ARHGEF10: variants seen among roughly 807,000 people sequenced by gnomAD.
ARHGEF10 encodes the protein Rho guanine nucleotide exchange factor (GEF) 10.
A neutral mutation model predicts 147.4 loss-of-function variants in ARHGEF10; 140 were observed. That is an observed-to-expected ratio of 0.95 (90% CI 0.83 to 1.09). The LOEUF is 1.09. Ranked by LOEUF, ARHGEF10 falls within the 50% of genes least tolerant of loss-of-function variation. ARHGEF10 has a pLI of 0.00. For synonymous variants in ARHGEF10, 902 were observed against 695.8 expected (o/e 1.30, Z -4.67); for missense variants, 2,222 against 1,752.7 (o/e 1.27, Z -4.78).
At chr8:1,932,776 T>C (rs1813257222) in intron 25 of ARHGEF10, among the ~76,000 whole-genome samples, 1 of 152,250 alleles carries the variant, frequency 6.6e-6, no homozygotes. Flanking sequence ...TTCAGACACT[T>C]GTTTTGTATT....
At chr8:1,926,703 T>C in intron 23 of ARHGEF10, 2 of 574,230 alleles carry the variant, frequency 3.5e-6, no homozygotes, top group Non-Finnish European at 6.2e-6. Flanking sequence ...ATTTACCAGA[T>C]AAAGTTGAGT....
chr8:1,854,493 A>G (rs1270350184), intron 2 of ARHGEF10, among the ~76,000 whole-genome samples: 1 of 152,168 alleles, frequency 6.6e-6, no homozygotes, highest in African/African-American at 2.4e-5. Context: ...CAGAGTCTAT[A>G]TAACTTGAAA....
intron 15 of ARHGEF10, among the ~76,000 whole-genome samples, chr8:1,900,260 C>T (rs541382780): frequency 2.6e-5 from 4 of 152,260 alleles, no homozygotes; most frequent in South Asian, 2.1e-4. Context: ...GGAAACGGAA[C>T]AGGACAGAGA....
At chr8:1,921,846 C>T (rs898963179) in intron 18 of ARHGEF10, among the ~76,000 whole-genome samples, 4 of 152,166 alleles carry the variant, frequency 2.6e-5, no homozygotes, top group African/African-American at 7.2e-5. Flanking sequence ...GACCCATGGC[C>T]GGGAAGCCTG....
chr8:1,905,859 C>T, intron 17 of ARHGEF10, 143 bp downstream of exon 17: 1 of 993,250 alleles, frequency 1.0e-6, no homozygotes, highest in South Asian at 1.4e-5. Flanking sequence ...CTAAGGGAAC[C>T]CTTATAATAA....
At chr8:1,870,698 A>G (rs1254342750) in intron 7 of ARHGEF10, 2 of 152,246 alleles carry the variant, frequency 1.3e-5, no homozygotes, top group Admixed American at 1.3e-4. Flanking sequence ...TGCACCTAAC[A>G]GCATAGCCTT....
At chr8:1,853,617 G>C (rs913470567) in intron 2 of ARHGEF10, among the ~76,000 whole-genome samples, 1 of 152,254 alleles carries the variant, frequency 6.6e-6, no homozygotes, top group Non-Finnish European at 1.5e-5. Flanking sequence ...ACCCAGCCCA[G>C]CTTGCCTGGC....
At chr8:1,946,401 G>C (rs1814595071) in intron 27 of ARHGEF10, among the ~76,000 whole-genome samples, 1 of 152,206 alleles carries the variant, frequency 6.6e-6, no homozygotes, top group South Asian at 2.1e-4. Flanking sequence ...CAGAGAGGCT[G>C]CCCCTCCGCG....
chr8:1,952,983 T>C (rs1299649554), intron 28 of ARHGEF10, among the ~76,000 whole-genome samples, 156 bp downstream of exon 28: 4 of 152,288 alleles, frequency 2.6e-5, no homozygotes, highest in African/African-American at 4.8e-5. Flanking sequence ...GACTGTTTAA[T>C]TGGAATTATC....
At chr8:1,899,144 G>A (rs1199098226) in intron 15 of ARHGEF10, among the ~76,000 whole-genome samples, 12 of 152,172 alleles carry the variant, frequency 7.9e-5, no homozygotes, top group African/African-American at 1.7e-4. Context: ...CTGACGTGAC[G>A]TCTCACAGCG....
chr8:1,885,332 A>G (rs1433337889), intron 10 of ARHGEF10, among the ~76,000 whole-genome samples: 2 of 152,238 alleles, frequency 1.3e-5, no homozygotes, highest in African/African-American at 4.8e-5. Context: ...CCACTTTGCT[A>G]TCTAGCTATT....
At chr8:1,832,602 GCAGAGGCAGAGA>G (rs1803217580) in intron 1 of ARHGEF10, among the ~76,000 whole-genome samples, 1 of 71,212 alleles carries the variant, frequency 1.4e-5, no homozygotes, top group Admixed American at 1.6e-4. Flanking sequence ...ACAGAGACAG[GCAGAGGCAGAGA>G]CAGAGGCAGA....
chr8:1,909,350 G>T lies in ARHGEF10; in HGVS notation c.2023G>T (p.Val675Phe). ...CCAGAGGTACTTGCTGAAGTGGAGC[G>T]TTCCACTGGGACATGTGGACGCCAT... The part of the protein sequence containing the change: ...SSQRYLLKWS[V>F]PLGHVDAIEY... The change falls in exon 18 of 29, where the codon GTT (valine) becomes TTT (phenylalanine). Residue 675 changes from valine to phenylalanine, a missense_variant. Physicochemically the swap from Val to Phe is conservative, Grantham distance 50. Coordinates refer to ENST00000349830, the MANE Select transcript of ARHGEF10 (RefSeq NM_014629.4). 2 of 1,614,210 alleles carry T rather than the reference G, an allele frequency of 1.2e-6. No individual in the cohort carries two copies. The highest frequency in any genetic ancestry group is 1.3e-5 in the African/African-American group (1 of 75,068).
intron 26 of ARHGEF10, among the ~76,000 whole-genome samples, chr8:1,938,249 C>CT (rs1813783080): frequency 6.6e-6 from 1 of 152,204 alleles, no homozygotes; most frequent in African/African-American, 2.4e-5. Flanking sequence ...CGATGCAGTG[C>CT]TAAGGGATCT....
chr8:1,869,108 T>C lies in ARHGEF10; in HGVS notation c.623-86T>C. 3 of 1,207,630 alleles carry C rather than the reference T, an allele frequency of 2.5e-6. No individual in the cohort carries two copies. In the South Asian group the frequency reaches 3.6e-5, roughly 15 times the overall value. The allele number at this position is 1,207,630 out of a possible 1,614,324, so 74.8% of individuals were successfully genotyped here. A position where few individuals can be genotyped will look rare whatever the true frequency, so the allele number is the denominator to read the frequency against. On this transcript the variant is annotated intron_variant, in intron 6 of 28. Transcript: ENST00000349830. ...ACCAACTTTTTGAATAATCATGACA[T>C]CATCGGCGACTGTGGCCCTGTAAAA...
intron 2 of ARHGEF10, among the ~76,000 whole-genome samples, chr8:1,853,691 C>T (rs1805324584): frequency 6.6e-6 from 1 of 152,192 alleles, no homozygotes; most frequent in South Asian, 2.1e-4. Context: ...GCCGAGCTTG[C>T]GGGGGAGCCT....
rs1354763285 is a variant in ARHGEF10 at position 1,860,271 on chromosome 8, C to CTCCA, written c.481+88_481+89insCCAT. On this transcript the variant is annotated intron_variant, in intron 4 of 28. Coordinates refer to ENST00000349830, the MANE Select transcript of ARHGEF10 (RefSeq NM_014629.4). ...CCGAAGTGGCCTGTGGTTCCCTCCT[C>CTCCA]TGCATGCCCCGGATGTGGCCTGTGG... is the stretch of plus-strand genomic sequence containing the variant. 9,641 of 1,476,162 alleles carry CTCCA rather than the reference C, an allele frequency of 6.5e-3. 1,999 individuals carry two copies. Among genetic ancestry groups the CTCCA allele is most frequent in the East Asian group, 0.024 (1,031 of 42,788 alleles). The allele number at this position is 1,476,162 out of a possible 1,614,324, so 91.4% of individuals were successfully genotyped here.
rs765052375 is a variant in ARHGEF10, at chr8:1,905,590, G to A, written c.1841G>A (p.Arg614Gln). ...YLNKLLSSGS[R>Q]YLIRSDDMIE... ...GTCCAGCTTCTCAGCAGTGGAAGCCGATACCTCATTCGATCAGATGATATG... is the reference window on the plus strand; with the variant it reads ...GTCCAGCTTCTCAGCAGTGGAAGCCAATACCTCATTCGATCAGATGATATG... The change falls in exon 17 of 29, where the codon CGA (arginine) becomes CAA (glutamine). Residue 614 changes from arginine to glutamine, a missense_variant. Coordinates refer to ENST00000349830, the MANE Select transcript of ARHGEF10 (RefSeq NM_014629.4). 14 of 1,614,068 alleles carry A rather than the reference G, an allele frequency of 8.7e-6. No homozygotes were observed. Among genetic ancestry groups the A allele is most frequent in the African/African-American group, 4.0e-5 (3 of 74,922 alleles).
chr8:1,841,818 G>GCGGGAACTGGGGCCGCGA (rs1391377290), intron 1 of ARHGEF10, among the ~76,000 whole-genome samples: 99 of 103,932 alleles, frequency 9.5e-4, no homozygotes, highest in Non-Finnish European at 1.7e-3. Context: ...TGGGGCCGCG[G>GCGGGAACTGGGGCCGCGA]CGGGAACTGG....
Sources: allele counts gnomAD v4.1 joint callset (sites outside exome capture counted in the v4.1 genomes callset), GRCh38; gene constraint gnomAD v4.1.1; transcripts MANE v1.5; gene names NCBI Gene and HGNC (gene_info 2026-07-23, HGNC 2026-07-21).